GALM: variants seen among roughly 807,000 people sequenced by gnomAD.
GALM encodes the protein aldose 1-epimerase.
In GALM, 43 loss-of-function variants were observed where a neutral mutation model predicts 37.4. The observed-to-expected ratio is 1.15, with a 90% CI of 0.90 to 1.48. The LOEUF (loss-of-function observed/expected upper bound fraction) is 1.48. Among genes scored for constraint, GALM ranks in the 40% most tolerant of loss-of-function variants. The pLI, the probability that GALM is intolerant of heterozygous loss-of-function variation, is 0.00. For missense variants in GALM, 456 were observed against 419.1 expected (o/e 1.09, Z -0.77); for synonymous variants, 199 against 170.6 (o/e 1.17, Z -1.30).
intron 4 of GALM, among the ~76,000 whole-genome samples, chr2:38,696,761 C>G (rs1162370157): frequency 1.3e-5 from 2 of 149,574 alleles, no homozygotes; most frequent in Non-Finnish European, 3.0e-5. Flanking sequence ...CGTGAGCCAC[C>G]GCACCTACCC....
rs531222517 is a variant in GALM at position 38,667,275 on chromosome 2, G to T, written c.190+924G>T. On this transcript the variant is annotated intron_variant, in intron 1 of 6. Transcript: ENST00000272252. ...CGTAGACAAATTCTGCTGGAGAGGA[G>T]GTTTGAGGTTTTCCTTTTGGTGTGT... is the stretch of plus-strand genomic sequence containing the variant. 2.0e-5 allele frequency among the ~76,000 whole-genome samples: 3 copies of T among 152,214 alleles called. No homozygotes were observed. In the South Asian group the frequency reaches 6.2e-4, roughly 32 times the overall value.
intron 4 of GALM, among the ~76,000 whole-genome samples, chr2:38,700,989 G>A (rs1192477822): frequency 3.3e-5 from 5 of 152,140 alleles, no homozygotes; most frequent in Non-Finnish European, 2.9e-5. Context: ...TATAAGGCTG[G>A]TCTAGTGGTG....
At chr2:38,676,534 G>A (rs1447519720) in intron 2 of GALM, among the ~76,000 whole-genome samples, 1 of 152,174 alleles carries the variant, frequency 6.6e-6, no homozygotes, top group Non-Finnish European at 1.5e-5. Context: ...AGGCCGAGGT[G>A]GGCAGGTCAC....
chr2:38,669,216 G>A (rs138803637), intron 1 of GALM: 3 of 152,212 alleles, frequency 2.0e-5, no homozygotes, highest in South Asian at 2.1e-4. Flanking sequence ...CCGGCACTAC[G>A]CCATGGGCCT....
intron 3 of GALM, among the ~76,000 whole-genome samples, chr2:38,688,977 C>T (rs1196256215): frequency 6.6e-6 from 1 of 152,204 alleles, no homozygotes; most frequent in Admixed American, 6.5e-5. Context: ...TGTGCCACCA[C>T]ACCTGGCTAA....
At chr2:38,729,283 G>A (rs1442993242) in intron 4 of GALM, among the ~76,000 whole-genome samples, 3 of 152,034 alleles carry the variant, frequency 2.0e-5, no homozygotes, top group African/African-American at 4.8e-5. Context: ...GACCTCCTGG[G>A]CTCAAGCAAT....
chr2:38,711,304 C>T (rs1322966054), intron 4 of GALM, among the ~76,000 whole-genome samples: 19 of 152,052 alleles, frequency 1.2e-4, no homozygotes, highest in Non-Finnish European at 2.2e-4. Context: ...GGATTACAGG[C>T]GCGCACCACC....
Position 38,691,739 on chromosome 2 carries a change from T to A in GALM, c.634+1845T>A, listed in dbSNP as rs572168663. ...TATTTCAGTAGTTTTTTTTTTTTTT[T>A]AAAAAAGACCAAACTACCATTTATA... On this transcript the variant is annotated intron_variant, in intron 4 of 6. Transcript: ENST00000272252. Among the ~76,000 whole-genome samples, 1,142 of 150,892 alleles carry A rather than the reference T, an allele frequency of 7.6e-3. 8 individuals are homozygous for A. The highest frequency in any genetic ancestry group is 0.01 in the Non-Finnish European group (685 of 67,728).
At chr2:38,682,821 G>A (rs1045960723) in intron 3 of GALM, among the ~76,000 whole-genome samples, 1 of 151,838 alleles carries the variant, frequency 6.6e-6, no homozygotes, top group Non-Finnish European at 1.5e-5. Flanking sequence ...ACTTGAACCT[G>A]GAAGGCGGAG....
At chr2:38,678,367 A>T (rs989398871) in intron 2 of GALM, among the ~76,000 whole-genome samples, 4 of 152,060 alleles carry the variant, frequency 2.6e-5, no homozygotes, top group Non-Finnish European at 4.4e-5. Context: ...GTATAAGAAG[A>T]TCTAGAGCTG....
In GALM at chr2:38,733,220, C is replaced by CA. The variant is rs10555489; in HGVS notation, c.952-251dup. 3.9e-3 allele frequency among the ~76,000 whole-genome samples: 483 copies of CA among 123,528 alleles called. 2 individuals are homozygous for CA. Among genetic ancestry groups the CA allele is most frequent in the African/African-American group, 0.011 (361 of 32,648 alleles). The allele number at this position is 123,528 out of a possible 152,430, so 81.0% of individuals were successfully genotyped here. The stretch of plus-strand genomic sequence containing the variant: ...TGGGCAACAGAGCAAGACTCCATCT[C>CA]AAAAAAAAAAAAAAAAAGCCTACAC... On this transcript the variant is annotated intron_variant, in intron 6 of 6. Transcript: ENST00000272252.
intron 4 of GALM, among the ~76,000 whole-genome samples, chr2:38,718,141 G>C (rs1319043008): frequency 1.3e-5 from 2 of 150,234 alleles, no homozygotes; most frequent in Non-Finnish European, 3.0e-5. Context: ...CCAGCCAGAA[G>C]ACAGTTTCCA....
chr2:38,704,007 C>A (rs530185742), intron 4 of GALM, among the ~76,000 whole-genome samples: 126 of 150,700 alleles, frequency 8.4e-4, no homozygotes, highest in African/African-American at 2.8e-3. Flanking sequence ...CAGGGAGAAA[C>A]GCTGTCTCAA....
chr2:38,672,014 C>T (rs568127773), intron 1 of GALM, among the ~76,000 whole-genome samples: 1 of 151,572 alleles, frequency 6.6e-6, no homozygotes, highest in South Asian at 2.1e-4. Context: ...ACAAAAAAAA[C>T]CCTGATAATT....
intron 4 of GALM, among the ~76,000 whole-genome samples, chr2:38,721,603 TC>T (rs1383702486): frequency 6.6e-6 from 1 of 152,152 alleles, no homozygotes; most frequent in Non-Finnish European, 1.5e-5. Flanking sequence ...AGCCTTGACC[TC>T]CCAGGCTCAA....
chr2:38,688,177 A>G (rs1572520130), intron 3 of GALM, among the ~76,000 whole-genome samples: 1 of 148,288 alleles, frequency 6.7e-6, no homozygotes, highest in East Asian at 2.0e-4. Flanking sequence ...ACACTACTTC[A>G]CTCCGGCCTG....
intron 4 of GALM, among the ~76,000 whole-genome samples, chr2:38,722,960 C>T (rs543610314): frequency 1.3e-5 from 2 of 152,090 alleles, no homozygotes; most frequent in African/African-American, 2.4e-5. Flanking sequence ...AGTAAGGGGA[C>T]GGGATGAGGG....
intron 4 of GALM, among the ~76,000 whole-genome samples, chr2:38,702,285 G>A (rs1355508678): frequency 5.3e-5 from 8 of 151,700 alleles, no homozygotes; most frequent in Non-Finnish European, 1.0e-4. Context: ...CCTCTTAGAC[G>A]GCTCTCAGGC....
chr2:38,733,405 G>A, intron 6 of GALM, 83 bp from the exon 7 acceptor site: 1 of 1,132,112 alleles, frequency 8.8e-7, no homozygotes, highest in East Asian at 2.4e-5. Context: ...CACTGGTCTA[G>A]AAGCCCGTCC....
Sources: gnomAD v4.1 joint callset for allele counts (sites outside exome capture counted in the v4.1 genomes callset) on GRCh38, gnomAD v4.1.1 for gene constraint, MANE v1.5 for transcripts, NCBI Gene and HGNC (gene_info 2026-07-23, HGNC 2026-07-21) for gene names.